The following CAST variants were observed in gnomAD, a reference collection of about 807,000 sequenced individuals.
The protein encoded by CAST is calpastatin.
Under a neutral mutation model 119.6 loss-of-function variants are expected in CAST, and 76 were observed. The ratio of observed to expected loss-of-function variants is 0.64; its 90% CI spans 0.53 to 0.77. CAST has a LOEUF of 0.77. CAST is among the 30% of genes least tolerant of loss of function. The probability of loss-of-function intolerance (pLI) is 0.00; values close to 1 mark genes in which losing one functional copy is unlikely to be tolerated. For missense variants in CAST, 953 were observed against 946.5 expected, an observed-to-expected ratio of 1.01 and a Z score of -0.09; for synonymous variants, 319 against 331.6, an observed-to-expected ratio of 0.96 and a Z score of 0.41.
intron 1 of CAST, among the ~76,000 whole-genome samples, chr5:96,633,813 G>A (rs1020127032): frequency 2.0e-5 from 3 of 152,180 alleles, no homozygotes; most frequent in South Asian, 2.1e-4. Flanking sequence ...TAATTCTAGC[G>A]AAAGGTTCAG....
At chr5:96,368,405 C>T in the CAST span, among the ~76,000 whole-genome samples, 1 of 151,276 alleles carries the variant, frequency 6.6e-6, no homozygotes, top group East Asian at 1.9e-4. Context: ...GAGGCTGAGG[C>T]AGGAGAATCC....
At chr5:96,605,552 T>G (rs1338680936) in intron 1 of CAST, among the ~76,000 whole-genome samples, 1 of 152,330 alleles carries the variant, frequency 6.6e-6, no homozygotes, top group South Asian at 2.1e-4. Flanking sequence ...TTTAATTAGA[T>G]GTATAAAACG....
the CAST span, among the ~76,000 whole-genome samples, chr5:96,348,922 G>C: frequency 3.3e-5 from 5 of 152,224 alleles, no homozygotes; most frequent in African/African-American, 1.2e-4. Context: ...TTAATTATGA[G>C]CAGAAAGTGC....
At chr5:96,102,342 C>G in the CAST span, among the ~76,000 whole-genome samples, 2 of 152,096 alleles carry the variant, frequency 1.3e-5, no homozygotes, top group Non-Finnish European at 2.9e-5. Context: ...TGGCTCTTCT[C>G]CGAAGTTAAG....
chr5:96,542,130 G>A (rs1745924360), intron 1 of CAST, among the ~76,000 whole-genome samples: 1 of 152,056 alleles, frequency 6.6e-6, no homozygotes, highest in Non-Finnish European at 1.5e-5. Flanking sequence ...CTAACACAGT[G>A]AAACCCCGTC....
chr5:96,556,301 G>A (rs7716561), intron 1 of CAST, among the ~76,000 whole-genome samples: 26 of 152,280 alleles, frequency 1.7e-4, no homozygotes, highest in African/African-American at 3.4e-4. Flanking sequence ...AAAGCAGAGC[G>A]CCTCTCCTCC....
the CAST span, among the ~76,000 whole-genome samples, chr5:96,309,330 G>C: frequency 2.6e-5 from 4 of 152,248 alleles, no homozygotes; most frequent in African/African-American, 4.8e-5. Flanking sequence ...CCCAGTTCAA[G>C]CTCAGACTGC....
the CAST span, among the ~76,000 whole-genome samples, chr5:96,325,396 T>TC: frequency 1.3e-5 from 2 of 151,628 alleles, no homozygotes; most frequent in Non-Finnish European, 2.9e-5. Context: ...TTTCTTTCTT[T>TC]CTTTTCTTTC....
At chr5:96,279,925 T>G in the CAST span, among the ~76,000 whole-genome samples, 2 of 152,190 alleles carry the variant, frequency 1.3e-5, no homozygotes, top group African/African-American at 4.8e-5. Flanking sequence ...ATTCAGAATC[T>G]CCAAGCACAC....
At chr5:96,287,874 G>C in the CAST span, among the ~76,000 whole-genome samples, 1 of 152,074 alleles carries the variant, frequency 6.6e-6, no homozygotes, top group African/African-American at 2.4e-5. Flanking sequence ...AGAACTGATG[G>C]AAGTCATCCT....
At chr5:96,682,696 C>A (rs1751590568) in intron 2 of CAST, among the ~76,000 whole-genome samples, 1 of 152,110 alleles carries the variant, frequency 6.6e-6, no homozygotes, top group East Asian at 1.9e-4. Context: ...CTTAGCCCTG[C>A]TCTTCATCTA....
chr5:96,346,170 T>C, the CAST span, among the ~76,000 whole-genome samples: 1 of 152,268 alleles, frequency 6.6e-6, no homozygotes, highest in African/African-American at 2.4e-5. Flanking sequence ...TGATGGTTGA[T>C]TGGCTATGGT....
chr5:96,762,871 A>C (rs1768485722), intron 25 of CAST: 1 of 379,162 alleles, frequency 2.6e-6, no homozygotes, highest in Non-Finnish European at 4.9e-6. Context: ...AAAATTTGTC[A>C]CTTTCATACT....
At chr5:96,115,726 G>T in the CAST span, among the ~76,000 whole-genome samples, 2 of 152,122 alleles carry the variant, frequency 1.3e-5, no homozygotes, top group Non-Finnish European at 2.9e-5. Context: ...TCAAATCATT[G>T]TTACAGTTTT....
intron 25 of CAST, among the ~76,000 whole-genome samples, chr5:96,763,931 C>A (rs2150702963): frequency 6.6e-6 from 1 of 150,986 alleles, no homozygotes; most frequent in East Asian, 1.9e-4. Flanking sequence ...TGTTTTCAAG[C>A]AACTGACTTA....
chr5:96,253,231 C>T, the CAST span, among the ~76,000 whole-genome samples: 1 of 152,010 alleles, frequency 6.6e-6, no homozygotes, highest in Admixed American at 6.6e-5. Flanking sequence ...GGGCTAAAAC[C>T]TGAAAATATG....
chr5:95,962,098 T>G, the CAST span: 3 of 385,606 alleles, frequency 7.8e-6, no homozygotes, highest in Non-Finnish European at 1.4e-5. Flanking sequence ...CGTCTGGTCG[T>G]CTTGGCTAGC....
chr5:96,104,646 T>C, the CAST span, among the ~76,000 whole-genome samples: 1 of 151,548 alleles, frequency 6.6e-6, no homozygotes, highest in Non-Finnish European at 1.5e-5. Context: ...AGCCTTGTAG[T>C]ATAGTTTGAA....
At chr5:96,240,181 T>C in the CAST span, among the ~76,000 whole-genome samples, 1 of 152,238 alleles carries the variant, frequency 6.6e-6, no homozygotes, top group African/African-American at 2.4e-5. Flanking sequence ...TCATTTTTAT[T>C]TGAGCAATAG....
Sources: gnomAD v4.1 joint callset for allele counts (sites outside exome capture counted in the v4.1 genomes callset) on GRCh38, gnomAD v4.1.1 for gene constraint, MANE v1.5 for transcripts, NCBI Gene and HGNC (gene_info 2026-07-23, HGNC 2026-07-21) for gene names.